VWA8: variants seen among roughly 807,000 people sequenced by gnomAD.
VWA8 encodes the protein von Willebrand factor A domain containing 8.
Under a neutral mutation model 241.5 loss-of-function variants are expected in VWA8, and 221 were observed. The observed-to-expected ratio is 0.91, with a 90% CI of 0.82 to 1.02. VWA8 has a LOEUF of 1.02. Among genes scored for constraint, VWA8 ranks in the 50% least tolerant of loss-of-function variants. The pLI is 0.00. For synonymous variants in VWA8, 852 were observed against 827.1 expected (o/e 1.03, Z -0.52); for missense variants, 2,322 against 2,328.7 (o/e 1.00, Z 0.06).
intron 16 of VWA8, among the ~76,000 whole-genome samples, chr13:41,812,016 A>G (rs1230880667): frequency 6.6e-6 from 1 of 152,166 alleles, no homozygotes. Context: ...TTTGAATCAG[A>G]TAAGTCGGTA....
chr13:41,676,103 A>G (rs1204750031), intron 35 of VWA8, among the ~76,000 whole-genome samples: 2 of 152,154 alleles, frequency 1.3e-5, no homozygotes, highest in African/African-American at 4.8e-5. Context: ...GCATCATGTT[A>G]TACGGAGCTA....
chr13:41,648,358 C>T (rs1593672776), intron 37 of VWA8, among the ~76,000 whole-genome samples: 1 of 152,136 alleles, frequency 6.6e-6, no homozygotes. Flanking sequence ...TTTCCTCATA[C>T]AGAACAACTT....
chr13:41,922,577 C>G (rs565518112), intron 2 of VWA8, among the ~76,000 whole-genome samples: 1 of 152,070 alleles, frequency 6.6e-6, no homozygotes, highest in Non-Finnish European at 1.5e-5. Flanking sequence ...AGAACTTAAA[C>G]AAAATTACAA....
chr13:41,871,301 A>G (rs1398979727), intron 9 of VWA8, among the ~76,000 whole-genome samples: 2 of 152,026 alleles, frequency 1.3e-5, no homozygotes, highest in South Asian at 4.1e-4. Flanking sequence ...TTTCTTTTTT[A>G]TTTTTTTAAA....
At chr13:41,738,426 G>A (rs933328336) in intron 21 of VWA8, among the ~76,000 whole-genome samples, 2 of 152,004 alleles carry the variant, frequency 1.3e-5, no homozygotes, top group Admixed American at 6.6e-5. Context: ...GTCACCTGAT[G>A]GAAACTAAAC....
In VWA8 at chr13:41,692,903, ACTT is replaced by A. The variant is rs766906330; in HGVS notation, c.3631_3633del (p.Lys1211del). 6.2e-7 allele frequency: 1 copy of A among 1,611,552 alleles called. No individual in the cohort carries two copies. Among genetic ancestry groups the A allele is most frequent in the South Asian group, 1.1e-5 (1 of 90,932 alleles). On this transcript the variant is annotated inframe_deletion, in exon 30 of 45. Transcript: ENST00000379310. ...CACCAGAAAGGTTTCTTAGATGTAA[ACTT>A]CTCGGAAGGGAGGATGAGACGATGA...
intron 4 of VWA8, among the ~76,000 whole-genome samples, chr13:41,891,966 T>A (rs201998019): frequency 2.0e-4 from 31 of 152,334 alleles, no homozygotes; most frequent in African/African-American, 7.2e-4. Flanking sequence ...TTATCTGCCC[T>A]ACCTATCCCA....
At chr13:41,695,841 A>C (rs947292490) in intron 29 of VWA8, among the ~76,000 whole-genome samples, 1 of 152,222 alleles carries the variant, frequency 6.6e-6, no homozygotes, top group East Asian at 1.9e-4. Flanking sequence ...GAAATTAAAT[A>C]AGGTATTAAT....
Position 41,587,670 on chromosome 13 carries a change from G to A in VWA8, c.5113C>T (p.Leu1705Phe), listed in dbSNP as rs891198889. Residue 1705 changes from leucine (L) to phenylalanine (F), a missense_variant and splice_region_variant, in exon 42 of 45, where the codon CTT becomes TTT. Leu to Phe is a conservative substitution (Grantham distance 22). Transcript: ENST00000379310. ...TTGGGTTTCTGTTGTGGGCTGCCAA[G>A]CTGAGGGAAGGAATAACAGAAAAGC... ...YKRRGELEPQ[L>F]GSPQQKPKRL... 4 of 1,613,912 alleles carry A rather than the reference G, an allele frequency of 2.5e-6. No homozygotes were observed. Among genetic ancestry groups the A allele is most frequent in the African/African-American group, 2.7e-5 (2 of 74,918 alleles).
chr13:41,635,475 T>C (rs371663815), intron 37 of VWA8, among the ~76,000 whole-genome samples: 5 of 152,362 alleles, frequency 3.3e-5, no homozygotes, highest in Admixed American at 6.5e-5. Context: ...GTAATTAAGA[T>C]AAAGCATTAA....
intron 21 of VWA8, among the ~76,000 whole-genome samples, chr13:41,749,288 A>T (rs1309487090): frequency 6.6e-6 from 1 of 152,238 alleles, no homozygotes; most frequent in Non-Finnish European, 1.5e-5. Context: ...AGAAATGCAA[A>T]GCAAAAACCA....
Position 41,932,107 on chromosome 13 carries a change from G to T in VWA8, c.241+17829C>A, listed in dbSNP as rs534115946. Among the ~76,000 whole-genome samples the T allele has an allele frequency of 2.0e-5, 3 of 152,088 alleles. No homozygotes were observed. The East Asian group carries it at 5.8e-4, about 29-fold the overall frequency. ...GACACAATTCACCAACATCATGAATGACAGAGAGACAGACAGACAGAAAAT... is the reference window on the plus strand; with the variant it reads ...GACACAATTCACCAACATCATGAATTACAGAGAGACAGACAGACAGAAAAT... On this transcript the variant is annotated intron_variant, in intron 2 of 44. Transcript: ENST00000379310.
chr13:41,935,954 G>A (rs750319027), intron 2 of VWA8, among the ~76,000 whole-genome samples: 5 of 151,936 alleles, frequency 3.3e-5, no homozygotes, highest in Non-Finnish European at 7.4e-5. Flanking sequence ...GATAGACTCA[G>A]GTTGCTTCTA....
chr13:41,735,200 C>A (rs182090380), intron 21 of VWA8, among the ~76,000 whole-genome samples: 1 of 152,176 alleles, frequency 6.6e-6, no homozygotes. Context: ...ATTTAATGGG[C>A]AATAACATGT....
intron 43 of VWA8, among the ~76,000 whole-genome samples, chr13:41,573,610 C>CATATAT (rs1239166610): frequency 0.054 from 7,596 of 140,066 alleles, 396 homozygotes; most frequent in African/African-American, 0.13. Flanking sequence ...TATATATACG[C>CATATAT]ATATATATGG....
intron 28 of VWA8, 49 bp downstream of exon 28, chr13:41,701,343 T>G: frequency 4.1e-6 from 6 of 1,478,920 alleles, no homozygotes; most frequent in Non-Finnish European, 5.4e-6. Context: ...ATCCATCTTT[T>G]AAAAAAACAT....
intron 1 of VWA8, among the ~76,000 whole-genome samples, chr13:41,955,014 T>C (rs1878293176): frequency 6.6e-6 from 1 of 152,194 alleles, no homozygotes; most frequent in African/African-American, 2.4e-5. Context: ...CATCATTTTA[T>C]CCCCAATACC....
At chr13:41,881,863 C>T (rs1874226906) in intron 9 of VWA8, among the ~76,000 whole-genome samples, 1 of 146,924 alleles carries the variant, frequency 6.8e-6, no homozygotes, top group Non-Finnish European at 1.5e-5. Flanking sequence ...GGGCTGACCC[C>T]CCCACCTCCC....
chr13:41,775,349 T>G (rs1030593308), intron 20 of VWA8, among the ~76,000 whole-genome samples: 3 of 152,222 alleles, frequency 2.0e-5, no homozygotes, highest in Non-Finnish European at 2.9e-5. Context: ...CAAATTATAC[T>G]GAATACAATC....
Sources: gnomAD v4.1 joint callset for allele counts (sites outside exome capture counted in the v4.1 genomes callset) on GRCh38, gnomAD v4.1.1 for gene constraint, MANE v1.5 for transcripts, NCBI Gene and HGNC (gene_info 2026-07-23, HGNC 2026-07-21) for gene names.